The following DAB2IP variants were observed in gnomAD, a reference collection of about 807,000 sequenced individuals.
DAB2IP encodes the protein disabled homolog 2-interacting protein.
DAB2IP carries 28 observed loss-of-function variants against 107.2 expected under a neutral mutation model. The ratio of observed to expected loss-of-function variants is 0.26; its 90% CI spans 0.19 to 0.36. DAB2IP has a LOEUF of 0.36. DAB2IP is among the 10% of genes least tolerant of loss of function. The probability of loss-of-function intolerance (pLI) is 1.00; values close to 1 mark genes in which losing one functional copy is unlikely to be tolerated. For synonymous variants in DAB2IP, 755 were observed against 706.4 expected (o/e 1.07, Z -1.09); for missense variants, 1,400 against 1,644.7 (o/e 0.85, Z 2.57).
Position 121,724,732 on chromosome 9 carries a change from G to A in DAB2IP, c.362+25274G>A, listed in dbSNP as rs570715145. ...ACTCAAAGAAGAGGTGGATTGACTA[G>A]CCCAATGTCATACAGCTGCAGCGGG... On this transcript the variant is annotated intron_variant, in intron 3 of 15. Coordinates refer to ENST00000408936, the Ensembl canonical transcript of DAB2IP. 7.9e-5 allele frequency among the ~76,000 whole-genome samples: 12 copies of A among 152,312 alleles called. No individual in the cohort carries two copies. In the South Asian group the frequency reaches 1.5e-3, roughly 18 times the overall value.
At chr9:121,691,755 G>T (rs1829176373) in intron 2 of DAB2IP, among the ~76,000 whole-genome samples, 1 of 152,156 alleles carries the variant, frequency 6.6e-6, no homozygotes, top group South Asian at 2.1e-4. Flanking sequence ...CCTTCTTCCG[G>T]AGGAAGGATG....
Position 121,635,908 on chromosome 9 carries a change from G to T in DAB2IP, c.41-42770G>T, listed in dbSNP as rs957037109. Among the ~76,000 whole-genome samples, 6 of 58,726 alleles carry T rather than the reference G, an allele frequency of 1.0e-4. No homozygotes were observed. Among genetic ancestry groups the T allele is most frequent in the African/African-American group, 3.6e-4 (4 of 11,022 alleles). 38.5% of individuals were successfully genotyped at this position (58,726 alleles called of 152,430 possible). A position where few individuals can be genotyped will look rare whatever the true frequency, so the allele number is the denominator to read the frequency against. On this transcript the variant is annotated intron_variant, in intron 1 of 16. Transcript: ENST00000259371. This position sits in a 1 kb window ranked among gnomAD's most constrained non-coding sequence, Gnocchi z 4.3. Reference sequence around the variant, plus strand: ...GTCCCCTGTTTAGATGTCTTTTTTGGGGGGGGGTCTGGGGGATGGAGTCTT... The same window carrying T: ...GTCCCCTGTTTAGATGTCTTTTTTGTGGGGGGGTCTGGGGGATGGAGTCTT...
intron 1 of DAB2IP, among the ~76,000 whole-genome samples, chr9:121,585,016 T>A (rs1830281640): frequency 6.6e-6 from 1 of 152,178 alleles, no homozygotes; most frequent in African/African-American, 2.4e-5. Flanking sequence ...GCTGTCCTCC[T>A]GCCTCAGTCT....
chr9:121,667,842 C>T (rs541496875), intron 1 of DAB2IP, among the ~76,000 whole-genome samples: 65 of 152,232 alleles, frequency 4.3e-4, no homozygotes, highest in Non-Finnish European at 6.5e-4. Flanking sequence ...TCTGTTTTCA[C>T]GCTGCTGATA....
intron 2 of DAB2IP, among the ~76,000 whole-genome samples, chr9:121,680,339 C>T (rs546500735): frequency 1.8e-4 from 28 of 152,334 alleles, no homozygotes; most frequent in African/African-American, 6.5e-4. Flanking sequence ...TCCACTGGGC[C>T]AGGGCAGGGC....
intron 1 of DAB2IP, among the ~76,000 whole-genome samples, chr9:121,672,376 G>T (rs1396549137): frequency 6.6e-6 from 1 of 152,204 alleles, no homozygotes; most frequent in Non-Finnish European, 1.5e-5. Flanking sequence ...TTGGTGTCTT[G>T]TCTGAAATTA....
At chr9:121,588,925 C>A (rs938110413) in intron 1 of DAB2IP, among the ~76,000 whole-genome samples, 2 of 151,700 alleles carry the variant, frequency 1.3e-5, no homozygotes, top group African/African-American at 4.9e-5. Flanking sequence ...GGGAGTGAGA[C>A]CTTTACTCCT....
upstream of DAB2IP, among the ~76,000 whole-genome samples, chr9:121,650,951 C>T (rs550995141): frequency 2.4e-4 from 36 of 152,246 alleles, no homozygotes; most frequent in South Asian, 5.0e-3. Context: ...TGGGGAGCCA[C>T]GGAAAGCTCT....
In DAB2IP at chr9:121,757,234, C is replaced by T. The variant is rs1006068261; in HGVS notation, c.516+68C>T. 1.2e-5 allele frequency: 18 copies of T among 1,565,208 alleles called. No homozygotes were observed. The South Asian group carries it at 2.0e-4, about 18-fold the overall frequency. On this transcript the variant is annotated intron_variant, in intron 4 of 15. Transcript: ENST00000408936. The stretch of plus-strand genomic sequence containing the variant: ...CCTGGCCTGGCTGGTCTCCTCCAGA[C>T]ATCCTCCTGGAGTCCAGTCTGCTGT...
chr9:121,705,402 CTG>C (rs989129434), intron 3 of DAB2IP, among the ~76,000 whole-genome samples: 1 of 152,190 alleles, frequency 6.6e-6, no homozygotes, highest in African/African-American at 2.4e-5. Context: ...TGGGGTGAGA[CTG>C]TATAAAGTTG....
intron 1 of DAB2IP, among the ~76,000 whole-genome samples, chr9:121,628,625 GGGA>G (rs1831757623): frequency 6.6e-6 from 1 of 152,182 alleles, no homozygotes; most frequent in African/African-American, 2.4e-5. Context: ...TGGGCCCAGT[GGGA>G]GTTTTAGAAT....
chr9:121,737,575 C>T (rs1028579935), intron 3 of DAB2IP: 32 of 985,264 alleles, frequency 3.2e-5, no homozygotes, highest in African/African-American at 3.5e-5. Context: ...GTGACAACTT[C>T]GGCAAGATCC....
intron 1 of DAB2IP, among the ~76,000 whole-genome samples, chr9:121,569,489 C>G (rs1450381681): frequency 2.0e-5 from 3 of 152,190 alleles, no homozygotes; most frequent in Non-Finnish European, 2.9e-5. Flanking sequence ...ACGAAATAGA[C>G]AAGGTGACTC....
chr9:121,738,629 C>T (rs1342438005), intron 3 of DAB2IP, among the ~76,000 whole-genome samples: 1 of 152,232 alleles, frequency 6.6e-6, no homozygotes, highest in Non-Finnish European at 1.5e-5. Context: ...ACATGTGCCT[C>T]TGTCTGACCC....
chr9:121,611,318 T>C (rs775923954), intron 1 of DAB2IP, among the ~76,000 whole-genome samples: 1 of 152,152 alleles, frequency 6.6e-6, no homozygotes, highest in Non-Finnish European at 1.5e-5. Context: ...AATCTGTTGA[T>C]GGCCACTGAA....
chr9:121,612,554 G>T (rs1423753478), intron 1 of DAB2IP, among the ~76,000 whole-genome samples: 1 of 152,220 alleles, frequency 6.6e-6, no homozygotes, highest in East Asian at 1.9e-4. Context: ...TCACCGGGGT[G>T]AGTGTCTGTT....
chr9:121,722,032 T>C (rs1305076708), intron 3 of DAB2IP, among the ~76,000 whole-genome samples: 1 of 152,216 alleles, frequency 6.6e-6, no homozygotes, highest in African/African-American at 2.4e-5. Flanking sequence ...TCAGCAGCGT[T>C]TACCCAACAC....
chr9:121,672,611 A>G (rs1833727957), intron 1 of DAB2IP, among the ~76,000 whole-genome samples: 1 of 152,202 alleles, frequency 6.6e-6, no homozygotes, highest in Admixed American at 6.5e-5. Flanking sequence ...CTCCTAGAGG[A>G]AAGGGGATCC....
At chr9:121,644,043 C>T (rs1832449122) in intron 1 of DAB2IP, among the ~76,000 whole-genome samples, 1 of 152,142 alleles carries the variant, frequency 6.6e-6, no homozygotes, top group Admixed American at 6.5e-5. Flanking sequence ...GTGGCACACA[C>T]GCCTGTAGTC....
Sources: gnomAD v4.1 joint callset for allele counts (sites outside exome capture counted in the v4.1 genomes callset) on GRCh38, gnomAD v4.1.1 for gene constraint, Gnocchi (gnomAD v3.1) non-coding constraint, MANE v1.5 for transcripts, NCBI Gene and HGNC (gene_info 2026-07-23, HGNC 2026-07-21) for gene names.